CAMK2D: variants seen among roughly 807,000 people sequenced by gnomAD.
CAMK2D encodes the protein calcium/calmodulin dependent protein kinase II delta.
Under a neutral mutation model 84.0 loss-of-function variants are expected in CAMK2D, and 37 were observed. That is an observed-to-expected ratio of 0.44 (90% CI 0.34 to 0.58). CAMK2D has a LOEUF of 0.58. Among genes scored for constraint, CAMK2D ranks in the 20% least tolerant of loss-of-function variants. The pLI, the probability that CAMK2D is intolerant of heterozygous loss-of-function variation, is 0.02. For missense variants in CAMK2D, 448 were observed against 652.5 expected (o/e 0.69, Z 3.41); for synonymous variants, 202 against 212.5 (o/e 0.95, Z 0.43).
intron 2 of CAMK2D, among the ~76,000 whole-genome samples, chr4:113,720,814 A>G (rs1452028208): frequency 6.6e-6 from 1 of 152,134 alleles, no homozygotes; most frequent in Non-Finnish European, 1.5e-5. Context: ...TCTGTGACAG[A>G]AAAATGATCA....
At chr4:113,736,779 T>C (rs1218294104) in intron 2 of CAMK2D, among the ~76,000 whole-genome samples, 1 of 152,136 alleles carries the variant, frequency 6.6e-6, no homozygotes, top group African/African-American at 2.4e-5. Context: ...AGAAAAAATG[T>C]ATACTACAAA....
At chr4:113,523,274 C>T (rs2098384775) in intron 8 of CAMK2D, among the ~76,000 whole-genome samples, 1 of 152,156 alleles carries the variant, frequency 6.6e-6, no homozygotes, top group Non-Finnish European at 1.5e-5. Context: ...CTAAAAACTG[C>T]TCTCCTAAAG....
intron 2 of CAMK2D, among the ~76,000 whole-genome samples, chr4:113,682,291 T>C (rs1464773989): frequency 6.6e-6 from 1 of 152,070 alleles, no homozygotes; most frequent in Non-Finnish European, 1.5e-5. Context: ...ATATGAGAAA[T>C]TTATAAAAAT....
chr4:113,552,961 T>C (rs552449825), intron 4 of CAMK2D, among the ~76,000 whole-genome samples: 3 of 152,194 alleles, frequency 2.0e-5, no homozygotes, highest in Admixed American at 6.6e-5. Context: ...AAAGTTAATA[T>C]GAATTTCTTG....
At chr4:113,750,182 G>A (rs1490644575) in intron 2 of CAMK2D, among the ~76,000 whole-genome samples, 1 of 152,214 alleles carries the variant, frequency 6.6e-6, no homozygotes, top group African/African-American at 2.4e-5. Flanking sequence ...CAAAGAAGGA[G>A]ACAACAATCT....
intron 3 of CAMK2D, among the ~76,000 whole-genome samples, chr4:113,653,598 C>A (rs886495034): frequency 6.6e-5 from 10 of 152,122 alleles, no homozygotes; most frequent in African/African-American, 2.4e-4. Context: ...TTGAAAAAGA[C>A]TTTTAATTGT....
At chr4:113,533,352 G>C (rs901655308) in intron 7 of CAMK2D, among the ~76,000 whole-genome samples, 3 of 151,938 alleles carry the variant, frequency 2.0e-5, no homozygotes, top group African/African-American at 7.2e-5. Flanking sequence ...AGACATATGG[G>C]GGGTAAAATA....
At chr4:113,493,868 C>G (rs2097884195) in intron 16 of CAMK2D, among the ~76,000 whole-genome samples, 1 of 152,058 alleles carries the variant, frequency 6.6e-6, no homozygotes, top group Admixed American at 6.6e-5. Context: ...CTCTAAACTT[C>G]CCTTCTTGCT....
chr4:113,713,809 T>C (rs2099502695), intron 2 of CAMK2D, among the ~76,000 whole-genome samples: 1 of 151,758 alleles, frequency 6.6e-6, no homozygotes, highest in South Asian at 2.1e-4. Context: ...TCACATGTGA[T>C]ATTTTTTTTC....
chr4:113,547,842 G>T, intron 5 of CAMK2D, 126 bp from the exon 6 acceptor site: 1 of 509,656 alleles, frequency 2.0e-6, no homozygotes, highest in South Asian at 3.2e-5. Flanking sequence ...ACCACCTTCA[G>T]TCATGTAAAC....
Position 113,508,208 on chromosome 4 carries a change from A to AG in CAMK2D, c.984+1429dup, listed in dbSNP as rs1169807340. ...ATTCCTAAGTGTGAATTTTCACAGG[A>AG]GGAGAAATCTGGCAGATAGATCCTC... On this transcript the variant is annotated intron_variant, in intron 13 of 20. Transcript: ENST00000511664. 8 of 1,506,426 alleles carry AG rather than the reference A, an allele frequency of 5.3e-6. No homozygotes were observed. In the Admixed American group the frequency reaches 1.6e-4, roughly 29 times the overall value. 93.3% of individuals were successfully genotyped at this position (1,506,426 alleles called of 1,614,324 possible).
At chr4:113,589,596 C>G (rs2098850977) in intron 4 of CAMK2D, among the ~76,000 whole-genome samples, 1 of 152,042 alleles carries the variant, frequency 6.6e-6, no homozygotes, top group Non-Finnish European at 1.5e-5. Flanking sequence ...GACTGTGAGC[C>G]TGAAAAAGAC....
chr4:113,733,344 T>C (rs2099573526), intron 2 of CAMK2D, among the ~76,000 whole-genome samples: 2 of 152,234 alleles, frequency 1.3e-5, no homozygotes. Flanking sequence ...GCATTTTTAC[T>C]TTAGTTAGTT....
intron 4 of CAMK2D, among the ~76,000 whole-genome samples, chr4:113,580,183 CAATTAAA>C (rs2098801291): frequency 6.6e-6 from 1 of 152,100 alleles, no homozygotes; most frequent in Non-Finnish European, 1.5e-5. Context: ...CATACTTAAC[CAATTAAA>C]AAGGCAAGAG....
chr4:113,710,586 T>C lies in CAMK2D; in HGVS notation c.160+48734A>G, dbSNP rs891941327. ...GGATGATAATTAAGGGATAATTATT[T>C]AGATTGATATAGCAAAGCAATGTCT... is the stretch of plus-strand genomic sequence containing the variant. On this transcript the variant is annotated intron_variant, in intron 2 of 20. Transcript: ENST00000511664. 3.3e-5 allele frequency among the ~76,000 whole-genome samples: 5 copies of C among 152,180 alleles called. No homozygotes were observed. In the East Asian group the frequency reaches 9.6e-4, roughly 29 times the overall value.
At chr4:113,548,862 C>T in intron 5 of CAMK2D, 1 of 551,102 alleles carries the variant, frequency 1.8e-6, no homozygotes, top group African/African-American at 2.0e-5. Context: ...CTTTTTTTAG[C>T]TTTACGTTGG....
At chr4:113,497,370 C>T (rs775739009) in intron 16 of CAMK2D, among the ~76,000 whole-genome samples, 2 of 152,100 alleles carry the variant, frequency 1.3e-5, no homozygotes, top group African/African-American at 2.4e-5. Flanking sequence ...AGCCTAGACA[C>T]AATTCAAAAG....
At chr4:113,746,639 A>T (rs887609424) in intron 2 of CAMK2D, among the ~76,000 whole-genome samples, 2 of 152,152 alleles carry the variant, frequency 1.3e-5, no homozygotes, top group African/African-American at 4.8e-5. Context: ...GGGCAAAGTC[A>T]ACCCAAGGAA....
Position 113,452,604 on chromosome 4 carries a change from A to G in CAMK2D, c.*1941T>C, listed in dbSNP as rs2097265146. On this transcript the variant is annotated 3_prime_UTR_variant, in exon 21 of 21. Transcript: ENST00000511664. ...TCCTCACATCTTAGTGCGGAAGACA[A>G]ACTTGATCTACAGTAATACTTCAAC... 6.6e-6 allele frequency: 1 copy of G among 152,604 alleles called. No homozygotes were observed. The allele number at this position is 152,604 out of a possible 1,614,324, so 9.5% of individuals were successfully genotyped here.
Sources: gnomAD v4.1 joint callset for allele counts (sites outside exome capture counted in the v4.1 genomes callset) on GRCh38, gnomAD v4.1.1 for gene constraint, MANE v1.5 for transcripts, NCBI Gene and HGNC (gene_info 2026-07-23, HGNC 2026-07-21) for gene names.